Variants in BCL6 observed in about 807,000 individuals in gnomAD.
BCL6 encodes B-cell lymphoma 6 protein.
BCL6 carries 7 observed loss-of-function variants against 59.5 expected under a neutral mutation model. The ratio of observed to expected loss-of-function variants is 0.12; its 90% CI spans 0.07 to 0.22. The LOEUF (loss-of-function observed/expected upper bound fraction) is 0.22, where lower values mean the gene tolerates loss of function less well. Among genes scored for constraint, BCL6 ranks in the 10% least tolerant of loss-of-function variants. The pLI is 1.00. For missense variants in BCL6, 685 were observed against 939.4 expected, an observed-to-expected ratio of 0.73 and a Z score of 3.54; for synonymous variants, 339 against 349.7, an observed-to-expected ratio of 0.97 and a Z score of 0.34.
intron 9 of BCL6, among the ~76,000 whole-genome samples, chr3:187,723,768 C>T (rs149370347): frequency 2.6e-5 from 4 of 152,270 alleles, no homozygotes; most frequent in East Asian, 3.9e-4. Flanking sequence ...TTTCACTCTC[C>T]GGGCCTTGGA....
intron 1 of BCL6, among the ~76,000 whole-genome samples, chr3:187,744,113 C>G (rs564351620): frequency 2.0e-5 from 3 of 152,190 alleles, no homozygotes; most frequent in Admixed American, 6.5e-5. Context: ...TTTTACAGAG[C>G]TTGCACCATG....
At chr3:187,731,517 C>G (rs1264920252) in intron 4 of BCL6, among the ~76,000 whole-genome samples, 192 bp downstream of exon 4, 3 of 152,090 alleles carry the variant, frequency 2.0e-5, no homozygotes, top group Non-Finnish European at 2.9e-5. Context: ...TAGGACATAC[C>G]TGTATAGCCA....
rs199598549 is a variant in BCL6, at chr3:187,725,459, G to A, written c.1839+40C>T. On this transcript the variant is annotated intron_variant, in intron 8 of 9. Transcript: ENST00000406870. This position sits in a 1 kb window ranked among gnomAD's most constrained non-coding sequence, Gnocchi z 4.7. ...ACTCCTCCGCTCGCCTGCCCGCTCC[G>A]CTCGCCTGCCCGCTCCGCTCGCCTG... 8.2e-5 allele frequency: 131 copies of A among 1,600,716 alleles called. No individual in the cohort carries two copies. The highest frequency in any genetic ancestry group is 3.9e-4 in the Middle Eastern group (2 of 5,074).
intron 3 of BCL6, among the ~76,000 whole-genome samples, chr3:187,733,189 C>CT (rs1719128847): frequency 6.6e-6 from 1 of 152,120 alleles, no homozygotes; most frequent in Admixed American, 6.5e-5. Context: ...GCTTAAGCTA[C>CT]TTAAAGACAA....
Position 187,726,908 on chromosome 3 carries a change from G to A in BCL6, c.1541-10C>T. 1 of 1,613,744 alleles carries A rather than the reference G, an allele frequency of 6.2e-7. No homozygotes were observed. The highest frequency in any genetic ancestry group is 8.5e-7 in the Non-Finnish European group (1 of 1,179,738). On this transcript the variant is annotated splice_polypyrimidine_tract_variant and intron_variant, in intron 6 of 9. Coordinates refer to ENST00000406870, the MANE Select transcript of BCL6 (RefSeq NM_001706.5). ...AAGAAGGCCCCGTTCTCTGTTGGAGGGTGGTAGGGGGACACCAAAGTCAGC... is the reference window on the plus strand; with the variant it reads ...AAGAAGGCCCCGTTCTCTGTTGGAGAGTGGTAGGGGGACACCAAAGTCAGC...
chr3:187,724,028 A>C (rs73184656), intron 9 of BCL6, among the ~76,000 whole-genome samples: 27,434 of 152,196 alleles, frequency 0.18, 2,686 homozygotes, highest in African/African-American at 0.25. Context: ...CCCAAACAGC[A>C]AGTAAGAAGA....
Position 187,729,775 on chromosome 3 carries a change from A to G in BCL6, c.630T>C (p.Asp210=), listed in dbSNP as rs1718936986. The stretch of plus-strand genomic sequence containing the variant: ...GCATCCGGACATCCCGAAACTCCTC[A>G]TCGGAGAAGAGGAGGCTGCTGACAG... ...HLPVSSLLFS[D]EEFRDVRMPV... The change falls in exon 5 of 10, where the codon GAT becomes GAC. Residue 210 remains aspartate, a synonymous_variant. Coordinates refer to ENST00000406870, the MANE Select transcript of BCL6 (RefSeq NM_001706.5). This position sits in a 1 kb window ranked among gnomAD's most constrained non-coding sequence, Gnocchi z 5.6. 3 of 1,614,080 alleles carry G rather than the reference A, an allele frequency of 1.9e-6. No homozygotes were observed. Among genetic ancestry groups the G allele is most frequent in the South Asian group, 2.2e-5 (2 of 91,086 alleles).
chr3:187,730,172 C>G, intron 4 of BCL6, 151 bp from the exon 5 acceptor site: 1 of 1,165,188 alleles, frequency 8.6e-7, no homozygotes, highest in Admixed American at 3.3e-5. Flanking sequence ...AATTACAACG[C>G]ATTTATGCTA....
At chr3:187,745,296 G>C (rs547992395) in intron 1 of BCL6, 114 bp downstream of exon 1, 3 of 398,728 alleles carry the variant, frequency 7.5e-6, no homozygotes, top group South Asian at 1.2e-4. Context: ...GAAAAAAAAA[G>C]AATTAAAAGG....
Position 187,729,520 on chromosome 3 carries a change from A to G in BCL6, c.885T>C (p.Pro295=). Residue 295 remains proline (P), a synonymous_variant, in exon 5 of 10, where the codon CCT becomes CCC. Coordinates refer to ENST00000406870, the MANE Select transcript of BCL6 (RefSeq NM_001706.5). The surrounding 1 kb of genome is among the most constrained non-coding windows in gnomAD (Gnocchi z 5.6). Reference sequence around the variant, plus strand: ...CTTCTTCTTTGCTGGCCTTGTCACAAGGGAAGTAGGGGGCATTTCGGGCTG... The same window carrying G: ...CTTCTTCTTTGCTGGCCTTGTCACAGGGGAAGTAGGGGGCATTTCGGGCTG... The part of the protein sequence containing the change: ...APSARNAPYF[P]CDKASKEEER... 6.2e-7 allele frequency: 1 copy of G among 1,613,606 alleles called. No individual in the cohort carries two copies. Among genetic ancestry groups the G allele is most frequent in the South Asian group, 1.1e-5 (1 of 91,064 alleles).
chr3:187,722,331 C>CCCCCCCAAG lies in BCL6; in HGVS notation c.*126_*127insCTTGGGGGG. ...CCCGACCCCCACCACCCCCAACCCC[C>CCCCCCCAAG]AGCTATGATTTGCACTAGTGGATGA... On this transcript the variant is annotated 3_prime_UTR_variant, in exon 10 of 10. Coordinates refer to ENST00000406870, the MANE Select transcript of BCL6 (RefSeq NM_001706.5). The CCCCCCCAAG allele has an allele frequency of 1.2e-6, 1 of 864,906 alleles. No individual in the cohort carries two copies. The highest frequency in any genetic ancestry group is 1.5e-6 in the Non-Finnish European group (1 of 658,094). 53.6% of individuals were successfully genotyped at this position (864,906 alleles called of 1,614,324 possible). A position where few individuals can be genotyped will look rare whatever the true frequency, so the allele number is the denominator to read the frequency against.
At chr3:187,727,815 G>A (rs1718798051) in intron 6 of BCL6, among the ~76,000 whole-genome samples, 1 of 152,154 alleles carries the variant, frequency 6.6e-6, no homozygotes, top group South Asian at 2.1e-4. Flanking sequence ...AGACTTTTTT[G>A]TCTGGTAAAA....
intron 1 of BCL6, among the ~76,000 whole-genome samples, chr3:187,741,760 C>A (rs1016522022): frequency 6.6e-6 from 1 of 152,220 alleles, no homozygotes; most frequent in Non-Finnish European, 1.5e-5. Context: ...ATCCACAAAC[C>A]TCCTCAACAC....
intron 1 of BCL6, among the ~76,000 whole-genome samples, chr3:187,741,019 C>G (rs2108479516): frequency 6.6e-6 from 1 of 152,248 alleles, no homozygotes; most frequent in Non-Finnish European, 1.5e-5. Flanking sequence ...GCCGCGAACT[C>G]GATCTCAGCC....
intron 1 of BCL6, among the ~76,000 whole-genome samples, chr3:187,744,785 A>G (rs1711820161): frequency 6.7e-6 from 1 of 150,284 alleles, no homozygotes; most frequent in Admixed American, 6.8e-5. Context: ...AAGAGGAGGG[A>G]GGGAAGCGGA....
intron 4 of BCL6, among the ~76,000 whole-genome samples, chr3:187,731,498 G>A (rs921501312): frequency 3.3e-5 from 5 of 152,000 alleles, no homozygotes; most frequent in Non-Finnish European, 1.5e-5. Flanking sequence ...AGCAAGATGC[G>A]GTAATGCATA....
chr3:187,744,450 C>G (rs182036762), intron 1 of BCL6, among the ~76,000 whole-genome samples: 1 of 152,208 alleles, frequency 6.6e-6, no homozygotes, highest in African/African-American at 2.4e-5. Flanking sequence ...TGTTCAACAT[C>G]CCCGCCCCCA....
rs376931654 is a variant in BCL6 at position 187,724,087 on chromosome 3, G to T, written c.1977+854C>A. On this transcript the variant is annotated intron_variant, in intron 9 of 9. Transcript: ENST00000406870. ...AAGTGAACAAAAATAACCATGTTTTGCAGGTTAACCTCCGGTATGTAGGTT... is the reference window on the plus strand; with the variant it reads ...AAGTGAACAAAAATAACCATGTTTTTCAGGTTAACCTCCGGTATGTAGGTT... Among the ~76,000 whole-genome samples, 156 of 152,134 alleles carry T rather than the reference G, an allele frequency of 1.0e-3. 1 individual carries two copies. The highest frequency in any genetic ancestry group is 3.3e-3 in the African/African-American group (135 of 41,492).
rs541880007 is a variant in BCL6 at position 187,725,415 on chromosome 3, C to T, written c.1839+84G>A. The T allele has an allele frequency of 1.5e-5, 24 of 1,578,364 alleles. No homozygotes were observed. The African/African-American group carries it at 2.3e-4, about 15-fold the overall frequency. On this transcript the variant is annotated intron_variant, in intron 8 of 9. Transcript: ENST00000406870. This position sits in a 1 kb window ranked among gnomAD's most constrained non-coding sequence, Gnocchi z 4.7. ...CCTGCCCGCTCCACTTGCCTGCCCACTCCTCCGCTTGCCTGCCCACTCCTC... is the reference window on the plus strand; with the variant it reads ...CCTGCCCGCTCCACTTGCCTGCCCATTCCTCCGCTTGCCTGCCCACTCCTC...
Sources: gnomAD v4.1 joint callset for allele counts (sites outside exome capture counted in the v4.1 genomes callset) on GRCh38, gnomAD v4.1.1 for gene constraint, Gnocchi (gnomAD v3.1) non-coding constraint, MANE v1.5 for transcripts, NCBI Gene and HGNC (gene_info 2026-07-23, HGNC 2026-07-21) for gene names.